IL1RAPL2: variants seen among roughly 807,000 people sequenced by gnomAD.
IL1RAPL2 encodes X-linked interleukin-1 receptor accessory protein-like 2.
A neutral mutation model predicts 44.1 loss-of-function variants in IL1RAPL2; 3 were observed. That is an observed-to-expected ratio of 0.07 (90% confidence interval 0.03 to 0.18). The LOEUF is 0.18. IL1RAPL2 is among the 10% of genes least tolerant of loss of function. The probability of loss-of-function intolerance (pLI) is 1.00; values close to 1 mark genes in which losing one functional copy is unlikely to be tolerated. For synonymous variants in IL1RAPL2, 181 were observed against 178.8 expected, an observed-to-expected ratio of 1.01 and a Z score of -0.10; for missense variants, 391 against 496.4, an observed-to-expected ratio of 0.79 and a Z score of 2.02.
At chrX:104,766,140 G>A (rs1264704528) in intron 2 of IL1RAPL2, among the ~76,000 whole-genome samples, 1 of 111,681 alleles carries the variant, frequency 9.0e-6, no homozygotes, top group Non-Finnish European at 1.9e-5. Flanking sequence ...AACCAATATA[G>A]CACTTTATCA....
intron 5 of IL1RAPL2, among the ~76,000 whole-genome samples, chrX:105,326,689 A>C (rs956492282): frequency 9.0e-6 from 1 of 111,646 alleles, no homozygotes; most frequent in African/African-American, 3.3e-5. Context: ...CTATGTAAAA[A>C]ATATTAATAA....
intron 2 of IL1RAPL2, among the ~76,000 whole-genome samples, chrX:104,843,903 G>A (rs1225013539): frequency 9.0e-6 from 1 of 110,928 alleles, no homozygotes; most frequent in Non-Finnish European, 1.9e-5. Flanking sequence ...AGCTCCTTCT[G>A]ATCTTGGTCT....
intron 2 of IL1RAPL2, among the ~76,000 whole-genome samples, chrX:104,828,239 C>T (rs1423917953): frequency 3.6e-5 from 4 of 112,344 alleles, no homozygotes; most frequent in South Asian, 7.3e-4. Flanking sequence ...CCTTTTTGTG[C>T]TGGCTTTTCC....
intron 6 of IL1RAPL2, among the ~76,000 whole-genome samples, chrX:105,609,429 TGA>T (rs758093940): frequency 1.0e-4 from 11 of 108,411 alleles, no homozygotes; most frequent in South Asian, 7.8e-4. Context: ...AAATAGTGCA[TGA>T]GAGAGAGAGA....
At chrX:104,937,410 G>A (rs1387188550) in intron 2 of IL1RAPL2, among the ~76,000 whole-genome samples, 1 of 112,115 alleles carries the variant, frequency 8.9e-6, no homozygotes, top group Non-Finnish European at 1.9e-5. Context: ...AGCTTTCAGA[G>A]TCTTCTGTAT....
At chrX:104,757,124 G>A (rs988957254) in intron 2 of IL1RAPL2, among the ~76,000 whole-genome samples, 1 of 111,780 alleles carries the variant, frequency 8.9e-6, no homozygotes, top group Admixed American at 9.5e-5. Context: ...GACAAGAGAA[G>A]AAGCAGAGAG....
rs1047989569 is a variant in IL1RAPL2 at position 104,742,482 on chromosome X, A to G, written c.82+83487A>G. On this transcript the variant is annotated intron_variant, in intron 2 of 10. Coordinates refer to ENST00000372582, the MANE Select transcript of IL1RAPL2 (RefSeq NM_017416.2). ...GGGTGAGGCTCTCAGTCTTTGATTTATTTGGAATTTCACAATAATACAGGG... is the reference window on the plus strand; with the variant it reads ...GGGTGAGGCTCTCAGTCTTTGATTTGTTTGGAATTTCACAATAATACAGGG... 1.3e-4 allele frequency among the ~76,000 whole-genome samples: 14 copies of G among 111,785 alleles called. No homozygotes were observed. The East Asian group carries it at 3.7e-3, about 29-fold the overall frequency.
chrX:105,230,975 T>C (rs2034064561), intron 3 of IL1RAPL2, among the ~76,000 whole-genome samples: 1 of 112,317 alleles, frequency 8.9e-6, no homozygotes, highest in South Asian at 3.7e-4. Context: ...TTCAGAGCAT[T>C]GAACATTTCA....
At chrX:105,384,063 C>A (rs58550588) in intron 5 of IL1RAPL2, among the ~76,000 whole-genome samples, 13,223 of 110,716 alleles carry the variant, frequency 0.12, 1,933 homozygotes, top group African/African-American at 0.41. Context: ...TAGGTTGTCT[C>A]TTTACATTGT....
At chrX:105,006,568 G>A (rs73516214) in intron 2 of IL1RAPL2, among the ~76,000 whole-genome samples, 6,837 of 110,624 alleles carry the variant, frequency 0.062, 557 homozygotes, top group African/African-American at 0.21. Flanking sequence ...AGGAAGATGC[G>A]AATGACTAAT....
chrX:105,442,300 G>A (rs923078203), intron 5 of IL1RAPL2, among the ~76,000 whole-genome samples: 1 of 110,106 alleles, frequency 9.1e-6, no homozygotes, highest in African/African-American at 3.3e-5. Flanking sequence ...TCCTGAACTC[G>A]TGATCCACCC....
At chrX:105,050,979 C>T (rs759446824) in intron 2 of IL1RAPL2, among the ~76,000 whole-genome samples, 10 of 112,339 alleles carry the variant, frequency 8.9e-5, no homozygotes, top group East Asian at 2.8e-4. Flanking sequence ...GGTGCTTTTA[C>T]GGACCTCGGA....
At chrX:105,653,926 A>C (rs1284967727) in intron 6 of IL1RAPL2, among the ~76,000 whole-genome samples, 8 of 110,900 alleles carry the variant, frequency 7.2e-5, no homozygotes, top group Non-Finnish European at 1.9e-5. Context: ...TTGTCAAAGT[A>C]TGTATACAAA....
At chrX:104,791,373 A>G (rs1416743989) in intron 2 of IL1RAPL2, among the ~76,000 whole-genome samples, 1 of 111,248 alleles carries the variant, frequency 9.0e-6, no homozygotes, top group African/African-American at 3.3e-5. Context: ...CTGGGCAAAG[A>G]TGTCCTTGCA....
At chrX:105,641,337 G>A (rs1602499318) in intron 6 of IL1RAPL2, among the ~76,000 whole-genome samples, 1 of 111,359 alleles carries the variant, frequency 9.0e-6, no homozygotes, top group South Asian at 3.8e-4. Context: ...CACTCTGCTA[G>A]GTAAGGGGTA....
At chrX:105,318,033 C>T (rs1009457954) in intron 5 of IL1RAPL2, among the ~76,000 whole-genome samples, 38 of 106,777 alleles carry the variant, frequency 3.6e-4, no homozygotes, top group African/African-American at 1.2e-3. Flanking sequence ...AGTGCAGTGG[C>T]GCGATCTCGG....
intron 2 of IL1RAPL2, among the ~76,000 whole-genome samples, chrX:104,859,134 C>T (rs964679087): frequency 9.0e-6 from 1 of 110,928 alleles, no homozygotes; most frequent in African/African-American, 3.3e-5. Context: ...GTTTTTTCAC[C>T]ACCTTGAATA....
intron 5 of IL1RAPL2, among the ~76,000 whole-genome samples, chrX:105,452,083 A>G (rs1239002569): frequency 9.0e-6 from 1 of 111,434 alleles, no homozygotes; most frequent in Non-Finnish European, 1.9e-5. Context: ...CATCCCTGGC[A>G]AAATCTCCAG....
chrX:105,213,433 G>A, intron 3 of IL1RAPL2, among the ~76,000 whole-genome samples: 1 of 109,352 alleles, frequency 9.1e-6, no homozygotes, highest in South Asian at 4.0e-4. Flanking sequence ...AGAGAAAAAA[G>A]AATAAAAAGG....
Sources: gnomAD v4.1 joint callset for allele counts (sites outside exome capture counted in the v4.1 genomes callset) on GRCh38, gnomAD v4.1.1 for gene constraint, MANE v1.5 for transcripts, NCBI Gene and HGNC (gene_info 2026-07-23, HGNC 2026-07-21) for gene names.